Variants in PARD3 observed in about 807,000 individuals in gnomAD.
The protein encoded by PARD3 is partitioning defective 3 homolog.
Under a neutral mutation model 155.4 loss-of-function variants are expected in PARD3, and 75 were observed. The observed-to-expected ratio is 0.48, with a 90% confidence interval of 0.40 to 0.58. The LOEUF is 0.58. Ranked by LOEUF, PARD3 falls within the 20% of genes least tolerant of loss-of-function variation. PARD3 has a pLI of 0.00. For synonymous variants in PARD3, 576 were observed against 610.5 expected, an observed-to-expected ratio of 0.94 and a Z score of 0.83; for missense variants, 1,642 against 1,721.7, an observed-to-expected ratio of 0.95 and a Z score of 0.82.
intron 22 of PARD3, among the ~76,000 whole-genome samples, chr10:34,229,428 T>C (rs934209995): frequency 6.6e-6 from 1 of 151,908 alleles, no homozygotes; most frequent in Non-Finnish European, 1.5e-5. Flanking sequence ...AGAATTTTAT[T>C]CTAGTGATAG....
At chr10:34,788,926 A>C (rs1404390810) in intron 1 of PARD3, among the ~76,000 whole-genome samples, 1 of 152,200 alleles carries the variant, frequency 6.6e-6, no homozygotes, top group Non-Finnish European at 1.5e-5. Flanking sequence ...CTGGAAAGCA[A>C]ACTGGCCAAG....
At chr10:34,148,094 C>T (rs1184535543) in intron 22 of PARD3, among the ~76,000 whole-genome samples, 1 of 152,036 alleles carries the variant, frequency 6.6e-6, no homozygotes, top group Non-Finnish European at 1.5e-5. Context: ...GCATCAGAAG[C>T]CCAGAATGAA....
chr10:34,555,719 G>A (rs2084926792), intron 2 of PARD3, among the ~76,000 whole-genome samples: 1 of 151,974 alleles, frequency 6.6e-6, no homozygotes, highest in South Asian at 2.1e-4. Context: ...AAGCTCTGGT[G>A]GTACCCTCCA....
intron 5 of PARD3, among the ~76,000 whole-genome samples, chr10:34,448,556 T>C (rs762081551): frequency 2.4e-4 from 37 of 152,126 alleles, no homozygotes; most frequent in Non-Finnish European, 4.7e-4. Flanking sequence ...CCATGACACT[T>C]TGGGAGGCCA....
chr10:34,453,473 A>G (rs1165088971), intron 4 of PARD3, among the ~76,000 whole-genome samples: 1 of 152,216 alleles, frequency 6.6e-6, no homozygotes, highest in African/African-American at 2.4e-5. Flanking sequence ...ACCAATGTGG[A>G]TGACTTTTTC....
intron 5 of PARD3, among the ~76,000 whole-genome samples, chr10:34,411,315 G>A (rs182416510): frequency 3.3e-5 from 5 of 152,262 alleles, no homozygotes; most frequent in South Asian, 2.1e-4. Context: ...TCAACTTGAC[G>A]GGGTCCCATG....
intron 22 of PARD3, among the ~76,000 whole-genome samples, chr10:34,198,814 C>G (rs925874543): frequency 1.3e-5 from 2 of 152,102 alleles, no homozygotes; most frequent in East Asian, 3.9e-4. Flanking sequence ...GATTTAACCC[C>G]AGGCCTCCCA....
chr10:34,751,771 CTTTTTT>C (rs546186706), intron 1 of PARD3, among the ~76,000 whole-genome samples: 1 of 137,596 alleles, frequency 7.3e-6, no homozygotes, highest in Non-Finnish European at 1.6e-5. Flanking sequence ...GCCTGTCTAG[CTTTTTT>C]TTTTTTTTTT....
intron 7 of PARD3, 100 bp from the exon 8 acceptor site, chr10:34,384,354 T>C (rs2132019559): frequency 9.1e-7 from 1 of 1,103,732 alleles, no homozygotes; most frequent in Non-Finnish European, 1.3e-6. Flanking sequence ...AAGATGTCCT[T>C]ACAAAGGAGC....
At chr10:34,126,642 T>C (rs1947305556) in intron 23 of PARD3, among the ~76,000 whole-genome samples, 1 of 152,178 alleles carries the variant, frequency 6.6e-6, no homozygotes, top group Non-Finnish European at 1.5e-5. Flanking sequence ...AAAGCTCATT[T>C]TGTAAAACAG....
intron 2 of PARD3, among the ~76,000 whole-genome samples, chr10:34,670,813 G>T (rs2093597391): frequency 6.6e-6 from 1 of 152,184 alleles, no homozygotes; most frequent in African/African-American, 2.4e-5. Context: ...TTTTGTTTAT[G>T]CTTTCAATCT....
intron 13 of PARD3, among the ~76,000 whole-genome samples, chr10:34,359,845 C>A (rs1839268909): frequency 6.6e-6 from 1 of 152,116 alleles, no homozygotes; most frequent in Non-Finnish European, 1.5e-5. Context: ...ATTTAACTAG[C>A]ATGTCAATGG....
intron 5 of PARD3, among the ~76,000 whole-genome samples, chr10:34,414,231 A>G (rs1434287760): frequency 3.1e-4 from 47 of 152,042 alleles, no homozygotes; most frequent in Admixed American, 3.1e-3. Flanking sequence ...TTAAAAAAAA[A>G]AAGGGAGGGG....
At chr10:34,557,950 A>AAAAG (rs1420938053) in intron 2 of PARD3, among the ~76,000 whole-genome samples, 1 of 151,800 alleles carries the variant, frequency 6.6e-6, no homozygotes, top group Non-Finnish European at 1.5e-5. Context: ...AAAAAAAAAA[A>AAAAG]AAAGAAAGAA....
At chr10:34,191,487 A>C (rs1950703993) in intron 22 of PARD3, among the ~76,000 whole-genome samples, 1 of 152,178 alleles carries the variant, frequency 6.6e-6, no homozygotes, top group Non-Finnish European at 1.5e-5. Context: ...CAAGTCCCAT[A>C]GGAGAAAAAT....
intron 2 of PARD3, among the ~76,000 whole-genome samples, chr10:34,575,028 C>T (rs2086775210): frequency 6.6e-6 from 1 of 152,084 alleles, no homozygotes; most frequent in Non-Finnish European, 1.5e-5. Context: ...GGTCCTACTC[C>T]GTCACCCAGG....
chr10:34,285,345 G>A (rs1956334759), intron 20 of PARD3, among the ~76,000 whole-genome samples: 1 of 152,118 alleles, frequency 6.6e-6, no homozygotes. Context: ...GGAGGCTGAG[G>A]CAGAAGGACT....
intron 15 of PARD3, chr10:34,345,560 T>C: frequency 1.0e-6 from 1 of 985,322 alleles, no homozygotes; most frequent in Non-Finnish European, 1.2e-6. Flanking sequence ...CTGAGGAATA[T>C]CTATGCGCCT....
chr10:34,190,035 C>T (rs1950639147), intron 22 of PARD3, among the ~76,000 whole-genome samples: 1 of 152,104 alleles, frequency 6.6e-6, no homozygotes, highest in Non-Finnish European at 1.5e-5. Flanking sequence ...CTCACATTTT[C>T]CAAGTGACCA....
Sources: allele counts gnomAD v4.1 joint callset (sites outside exome capture counted in the v4.1 genomes callset), GRCh38; gene constraint gnomAD v4.1.1; transcripts MANE v1.5; gene names NCBI Gene and HGNC (gene_info 2026-07-23, HGNC 2026-07-21).